KRTAP4-6: variants seen among roughly 807,000 people sequenced by gnomAD.
The protein encoded by KRTAP4-6 is keratin-associated protein 4-6.
KRTAP4-6 carries 1 observed loss-of-function variant against 3.6 expected under a neutral mutation model. That is an observed-to-expected ratio of 0.28 (90% CI 0.10 to 1.32). The LOEUF (loss-of-function observed/expected upper bound fraction) is 1.32, where lower values mean the gene tolerates loss of function less well. Among genes scored for constraint, KRTAP4-6 ranks in the 40% most tolerant of loss-of-function variants. The probability of loss-of-function intolerance (pLI) is 0.45; values close to 1 mark genes in which losing one functional copy is unlikely to be tolerated. For synonymous variants in KRTAP4-6, 97 were observed against 96.7 expected, an observed-to-expected ratio of 1.00 and a Z score of -0.02; for missense variants, 275 against 280.3, an observed-to-expected ratio of 0.98 and a Z score of 0.14.
chr17:41,140,050 G>A (rs761439101), exon 1 of KRTAP4-6: 37 of 1,612,788 alleles, frequency 2.3e-5, no homozygotes, highest in Non-Finnish European at 3.1e-5. Context: ...AGCAGCTGGA[G>A]ATGCAGCAGC....
chr17:41,140,198 G>T, exon 1 of KRTAP4-6: 1 of 1,584,456 alleles, frequency 6.3e-7, no homozygotes, highest in Middle Eastern at 1.7e-4. Flanking sequence ...GCAGCACACA[G>T]ACTGGCAGCA....
chr17:41,139,873 G>A (rs114671607), exon 1 of KRTAP4-6: 40,100 of 1,578,996 alleles, frequency 0.025, 1,421 homozygotes, highest in East Asian at 0.17. Flanking sequence ...AAGGAGCTCA[G>A]CAGCAAGAGG....
chr17:41,139,562 C>T (rs926581516), exon 1 of KRTAP4-6: 19 of 444,158 alleles, frequency 4.3e-5, no homozygotes, highest in South Asian at 1.8e-4. Context: ...AACCTTGCCC[C>T]GAGTTACCCT....
At chr17:41,140,536 C>A (rs772294111), upstream of KRTAP4-6, 3 of 1,565,646 alleles carry the variant, frequency 1.9e-6, no homozygotes, top group Non-Finnish European at 2.6e-6. Context: ...GAGTGAGTTT[C>A]GTGAGTTTGG....
At chr17:41,139,739 C>T in exon 1 of KRTAP4-6, 1 of 1,308,692 alleles carries the variant, frequency 7.6e-7, no homozygotes, top group Non-Finnish European at 1.0e-6. Context: ...GGACATATAT[C>T]CTAGATATAT....
At chr17:41,140,330 G>T (rs748949154) in exon 1 of KRTAP4-6, 1 of 1,608,716 alleles carries the variant, frequency 6.2e-7, no homozygotes, top group Non-Finnish European at 8.5e-7. Context: ...GCAGCACACA[G>T]ACTGGCAGCA....
exon 1 of KRTAP4-6, chr17:41,140,404 G>A (rs1299967764): frequency 1.2e-6 from 2 of 1,613,802 alleles, no homozygotes; most frequent in Non-Finnish European, 1.7e-6. Context: ...TGCAGCAGGT[G>A]GTCTGACAGC....
chr17:41,140,524 G>A (rs1266266809), upstream of KRTAP4-6: 2 of 1,578,154 alleles, frequency 1.3e-6, no homozygotes, highest in African/African-American at 2.7e-5. Context: ...GGGTTTCCAA[G>A]AGAGTGAGTT....
chr17:41,139,644 A>G, exon 1 of KRTAP4-6: 1 of 741,704 alleles, frequency 1.3e-6, no homozygotes, highest in Non-Finnish European at 2.1e-6. Context: ...AAAATTTGGT[A>G]AATTCTATTA....
At chr17:41,139,517 T>C in exon 1 of KRTAP4-6, 1 of 335,930 alleles carries the variant, frequency 3.0e-6, no homozygotes. Context: ...AAATACAGGG[T>C]GAAACAATCA....
chr17:41,139,581 T>G, exon 1 of KRTAP4-6: 1 of 492,068 alleles, frequency 2.0e-6, no homozygotes, highest in Non-Finnish European at 3.5e-6. Flanking sequence ...CTGCAAGAAT[T>G]TCCATGTTTG....
At chr17:41,140,363 A>T in exon 1 of KRTAP4-6, 1 of 1,613,182 alleles carries the variant, frequency 6.2e-7, no homozygotes, top group Non-Finnish European at 8.5e-7. Context: ...GCAGCTGGAC[A>T]CACAGCAGCT....
At chr17:41,139,816 T>G in exon 1 of KRTAP4-6, 1 of 1,531,128 alleles carries the variant, frequency 6.5e-7, no homozygotes, top group Non-Finnish European at 8.8e-7. Context: ...ATGCACAAGG[T>G]CTGCTTCTGT....
At chr17:41,140,112 T>C (rs758276783) in exon 1 of KRTAP4-6, 2 of 1,451,698 alleles carry the variant, frequency 1.4e-6, no homozygotes, top group Admixed American at 2.0e-5. Context: ...CACTGGGACC[T>C]GCAGCACCTG....
rs1414769775 is a variant in KRTAP4-6, at chr17:41,140,151, T to C, written c.337A>G (p.Ser113Gly). 1 of 1,463,772 alleles carries C rather than the reference T, an allele frequency of 6.8e-7. No homozygotes were observed. Among genetic ancestry groups the C allele is most frequent in the Non-Finnish European group, 9.3e-7 (1 of 1,080,218 alleles). 90.7% of individuals were successfully genotyped at this position (1,463,772 alleles called of 1,614,324 possible). Reference sequence around the variant, plus strand: ...ACACAGCAGCTGGGGCGACAGCAGCTGGAGATGCTGCAGCTGGGACGGCAG... The same window carrying C: ...ACACAGCAGCTGGGGCGACAGCAGCCGGAGATGCTGCAGCTGGGACGGCAG... Residue 113 changes from serine (S) to glycine (G), a missense_variant, in exon 1 of 1, where the codon AGC becomes GGC. Transcript: ENST00000345847.
chr17:41,139,814 G>A (rs1399923359), exon 1 of KRTAP4-6: 3 of 1,529,492 alleles, frequency 2.0e-6, no homozygotes, highest in Admixed American at 4.0e-5. Flanking sequence ...AGATGCACAA[G>A]GTCTGCTTCT....
exon 1 of KRTAP4-6, chr17:41,140,215 T>G (rs775289644): frequency 1.3e-6 from 2 of 1,548,738 alleles, no homozygotes; most frequent in Non-Finnish European, 1.7e-6. Flanking sequence ...AGCACTGGGG[T>G]CTGCAGCAGC....
chr17:41,140,386 G>T (rs536874625), exon 1 of KRTAP4-6: 32 of 1,613,678 alleles, frequency 2.0e-5, no homozygotes, highest in Non-Finnish European at 1.8e-5. Context: ...GGCGGCAGCA[G>T]GTGGTCCTGC....
exon 1 of KRTAP4-6, chr17:41,140,122 G>C: frequency 6.9e-7 from 1 of 1,452,688 alleles, no homozygotes; most frequent in East Asian, 2.6e-5. Flanking sequence ...TGCAGCACCT[G>C]GACACACAGC....
Sources: allele counts gnomAD v4.1 joint callset, GRCh38; gene constraint gnomAD v4.1.1; transcripts MANE v1.5; gene names NCBI Gene and HGNC (gene_info 2026-07-23, HGNC 2026-07-21).